MEFV: variants seen among roughly 807,000 people sequenced by gnomAD.
MEFV encodes MEFV innate immunity regulator, pyrin.
Under a neutral mutation model 62.5 loss-of-function variants are expected in MEFV, and 60 were observed. The ratio of observed to expected loss-of-function variants is 0.96; its 90% CI spans 0.78 to 1.19. The LOEUF is 1.19. Among genes scored for constraint, MEFV ranks in the 50% most tolerant of loss-of-function variants. The pLI is 0.00. For missense variants in MEFV, 1,169 were observed against 1,004.5 expected (o/e 1.16, Z -2.21); for synonymous variants, 500 against 415.2 (o/e 1.20, Z -2.48).
In MEFV at chr16:3,243,896, C is replaced by T. The variant is rs79662406; in HGVS notation, c.1760-4G>A. On this transcript the variant is annotated splice_region_variant and splice_polypyrimidine_tract_variant and intron_variant, in intron 8 of 9. Coordinates refer to ENST00000219596, the MANE Select transcript of MEFV (RefSeq NM_000243.3). Reference sequence around the variant, plus strand: ...TGAGCGCCAATCAGCTCCGGAACTACGGAGAAAAATCAGATAGGGAAAAAA... The same window carrying T: ...TGAGCGCCAATCAGCTCCGGAACTATGGAGAAAAATCAGATAGGGAAAAAA... The T allele has an allele frequency of 9.2e-4, 1,482 of 1,613,740 alleles. 17 individuals are homozygous for T. In the African/African-American group the frequency reaches 0.017, roughly 19 times the overall value.
chr16:3,245,325 A>AAGGG (rs1212247537), intron 6 of MEFV, among the ~76,000 whole-genome samples: 1 of 147,170 alleles, frequency 6.8e-6, no homozygotes, highest in Non-Finnish European at 1.5e-5. Context: ...GAAAGGAAGG[A>AAGGG]AGGGAGGGAG....
Position 3,242,738 on chromosome 16 carries a change from T to G in MEFV, c.*403A>C, listed in dbSNP as rs766365739. ...CACAAATACTTCTATCCCAATCCAG[T>G]CTGCTTGCGTTTCTCTAGGCTTCCC... On this transcript the variant is annotated 3_prime_UTR_variant, in exon 10 of 10. Transcript: ENST00000219596. The G allele has an allele frequency of 3.1e-4, 90 of 287,148 alleles. No individual in the cohort carries two copies. The highest frequency in any genetic ancestry group is 3.4e-4 in the Non-Finnish European group (50 of 146,596). 17.8% of individuals were successfully genotyped at this position (287,148 alleles called of 1,614,324 possible). A position where few individuals can be genotyped will look rare whatever the true frequency, so the allele number is the denominator to read the frequency against.
chr16:3,247,379 C>T, intron 4 of MEFV, 133 bp from the exon 5 acceptor site: 3 of 697,382 alleles, frequency 4.3e-6, no homozygotes, highest in Non-Finnish European at 7.4e-6. Flanking sequence ...GGCCTAGATT[C>T]CAGAGCAGGA....
At position 3,256,351 on chromosome 16, in the gene MEFV, C is replaced by G; in HGVS notation, c.237G>C (p.Gln79His). 6.2e-7 allele frequency: 1 copy of G among 1,614,004 alleles called. No homozygotes were observed. Among genetic ancestry groups the G allele is most frequent in the Non-Finnish European group, 8.5e-7 (1 of 1,180,036 alleles). Reference protein sequence around the residue: ...LTLQVLRAINQRLLAEELHRA... With the variant: ...LTLQVLRAINHRLLAEELHRA... ...TGTGGAGCTCCTCGGCCAGCAGGCG[C>G]TGGTTGATGGCCCGCAGGACCTGCA... The change falls in exon 1 of 10, where the codon CAG (glutamine) becomes CAC (histidine). Residue 79 changes from glutamine to histidine, a missense_variant. Physicochemically the swap from Gln to His is conservative, Grantham distance 24. Coordinates refer to ENST00000219596, the MANE Select transcript of MEFV (RefSeq NM_000243.3).
chr16:3,252,333 G>C (rs1401717910), intron 2 of MEFV, among the ~76,000 whole-genome samples: 1 of 150,748 alleles, frequency 6.6e-6, no homozygotes, highest in African/African-American at 2.4e-5. Context: ...GAGTGCAGTG[G>C]CATGATCTTG....
rs104895103 is a variant in MEFV, at chr16:3,254,746, T to C, written c.322A>G (p.Ser108Gly). 1.2e-6 allele frequency: 2 copies of C among 1,612,830 alleles called. No homozygotes were observed. The highest frequency in any genetic ancestry group is 1.7e-6 in the Non-Finnish European group (2 of 1,180,020). The change falls in exon 2 of 10, where the codon AGC (serine) becomes GGC (glycine). Residue 108 changes from serine to glycine, a missense_variant. By Grantham distance (56) the Ser-to-Gly change is moderately conservative. Coordinates refer to ENST00000219596, the MANE Select transcript of MEFV (RefSeq NM_000243.3). ...ENGTDDSAAS[S>G]SLGENKPRSL... is the part of the protein sequence containing the mutation. ...CTGGGCTTGTTCTCCCCCAGGGAGC[T>C]GGACGCTGCGGAATCATCTGTGCCG...
chr16:3,256,075 G>A (rs1011215932), intron 1 of MEFV, among the ~76,000 whole-genome samples: 1 of 152,116 alleles, frequency 6.6e-6, no homozygotes, highest in Non-Finnish European at 1.5e-5. Flanking sequence ...CCTGCCTTTC[G>A]TGACCCTGAC....
chr16:3,254,876 G>T, intron 1 of MEFV, 86 bp from the exon 2 acceptor site: 1 of 1,594,022 alleles, frequency 6.3e-7, no homozygotes, highest in Admixed American at 1.7e-5. Flanking sequence ...AATCCCCTTG[G>T]ATATTAAAGT....
chr16:3,246,881 C>T, intron 5 of MEFV, 135 bp downstream of exon 5: 1 of 886,738 alleles, frequency 1.1e-6, no homozygotes, highest in East Asian at 2.6e-5. Context: ...CACTGTGGGT[C>T]ACCAAGACCA....
At chr16:3,247,390 G>A in intron 4 of MEFV, 144 bp from the exon 5 acceptor site, 1 of 662,488 alleles carries the variant, frequency 1.5e-6, no homozygotes, top group African/African-American at 1.8e-5. Context: ...CAGAGCAGGA[G>A]GCGATATTGT....
chr16:3,249,085 T>A lies in MEFV; in HGVS notation c.1261-81A>T. Reference sequence around the variant, plus strand: ...GGTGCCAACTCTGGAGGGGAACATCTCCTTCTGGTAGCAAGGCTGAGGGTG... The same window carrying A: ...GGTGCCAACTCTGGAGGGGAACATCACCTTCTGGTAGCAAGGCTGAGGGTG... On this transcript the variant is annotated intron_variant, in intron 3 of 9. Transcript: ENST00000219596. 3 of 1,380,532 alleles carry A rather than the reference T, an allele frequency of 2.2e-6. No homozygotes were observed. The East Asian group carries it at 6.9e-5, about 32-fold the overall frequency. 85.5% of individuals were successfully genotyped at this position (1,380,532 alleles called of 1,614,324 possible). A position where few individuals can be genotyped will look rare whatever the true frequency, so the allele number is the denominator to read the frequency against.
intron 2 of MEFV, among the ~76,000 whole-genome samples, chr16:3,251,046 A>AAG (rs1959025508): frequency 6.7e-6 from 1 of 148,216 alleles, no homozygotes; most frequent in African/African-American, 2.5e-5. Flanking sequence ...AAAAAAAAAA[A>AAG]GAAATAGAAA....
Position 3,249,484 on chromosome 16 carries a change from C to G in MEFV, c.1207G>C (p.Glu403Gln), listed in dbSNP as rs1411603561. ...GGGCGCACCCGGTGGCCTTGGTGCT[C>G]CTGACTCAGACTGCAGATGAGGCAG... The part of the protein sequence containing the change: ...PICLICSLSQ[E>Q]HQGHRVRPIE... The change falls in exon 3 of 10, where the codon GAG (glutamate) becomes CAG (glutamine). Residue 403 changes from glutamate to glutamine, a missense_variant. Physicochemically the swap from Glu to Gln is conservative, Grantham distance 29 (BLOSUM62 2). Transcript: ENST00000219596. 3.1e-6 allele frequency: 5 copies of G among 1,614,050 alleles called. No homozygotes were observed. The highest frequency in any genetic ancestry group is 2.7e-5 in the African/African-American group (2 of 74,948).
chr16:3,246,418 C>A, intron 6 of MEFV, 107 bp downstream of exon 6: 2 of 1,330,012 alleles, frequency 1.5e-6, no homozygotes, highest in East Asian at 2.4e-5. Context: ...TCTGGAATCA[C>A]AGACCCCGGG....
In MEFV at chr16:3,243,628, A is replaced by G. The variant is rs1469429343; in HGVS notation, c.1859T>C (p.Val620Ala). 1 of 1,600,096 alleles carries G rather than the reference A, an allele frequency of 6.2e-7. No individual in the cohort carries two copies. Among genetic ancestry groups the G allele is most frequent in the Non-Finnish European group, 8.5e-7 (1 of 1,172,968 alleles). ...NLIFSDDLKS[V>A]RLGNKWERLP... is the part of the protein sequence containing the mutation. ...CCTCTCCCACTTGTTTCCAAGTCTA[A>G]CACTCTTCAGATCATCAGAGAAGAT... Residue 620 changes from valine to alanine, a missense_variant, in exon 10 of 10, where the codon GTT (valine) becomes GCT (alanine). Val to Ala is a moderately conservative substitution (Grantham distance 64). Coordinates refer to ENST00000219596, the MANE Select transcript of MEFV (RefSeq NM_000243.3).
At chr16:3,244,084 G>A (rs1403462773) in intron 8 of MEFV, 170 bp downstream of exon 8, 2 of 1,551,694 alleles carry the variant, frequency 1.3e-6, no homozygotes, top group Non-Finnish European at 1.7e-6. Context: ...AGTCAACTCA[G>A]TCAATGAGTC....
In MEFV at chr16:3,243,208, G is replaced by A. The variant is rs759769839; in HGVS notation, c.2279C>T (p.Thr760Ile). Residue 760 changes from threonine to isoleucine, a missense_variant, in exon 10 of 10, where the codon ACA becomes ATA. Coordinates refer to ENST00000219596, the MANE Select transcript of MEFV (RefSeq NM_000243.3). ...AGCTGTGTTCTTCCCTCCATCACGT[G>A]TCCCAGGGCTGAAGATAGGTTGAAG... ...GPLQPIFSPG[T>I]RDGGKNTAPL... The A allele has an allele frequency of 1.4e-5, 23 of 1,613,992 alleles. No homozygotes were observed. In the African/African-American group the frequency reaches 2.8e-4, roughly 20 times the overall value.
intron 6 of MEFV, 120 bp downstream of exon 6, chr16:3,246,405 G>T: frequency 8.9e-7 from 1 of 1,117,354 alleles, no homozygotes; most frequent in Non-Finnish European, 1.3e-6. Flanking sequence ...AAAAAAGGAG[G>T]AGTCTGGAAT....
intron 2 of MEFV, among the ~76,000 whole-genome samples, chr16:3,252,596 C>T (rs1238955082): frequency 6.6e-6 from 1 of 151,360 alleles, no homozygotes; most frequent in East Asian, 1.9e-4. Flanking sequence ...TCTATTTCTC[C>T]TCCTTGAGTG....
Sources: allele counts gnomAD v4.1 joint callset (sites outside exome capture counted in the v4.1 genomes callset), GRCh38; gene constraint gnomAD v4.1.1; transcripts MANE v1.5; gene names NCBI Gene and HGNC (gene_info 2026-07-23, HGNC 2026-07-21).